The following EVPL variants were observed in gnomAD, a reference collection of about 807,000 sequenced individuals.
EVPL encodes the protein envoplakin.
EVPL carries 94 observed loss-of-function variants against 129.7 expected under a neutral mutation model. The ratio of observed to expected loss-of-function variants is 0.72; its 90% CI spans 0.61 to 0.86. EVPL has a LOEUF of 0.86. Among genes scored for constraint, EVPL ranks in the 40% least tolerant of loss-of-function variants. The pLI, the probability that EVPL is intolerant of heterozygous loss-of-function variation, is 0.00. For missense variants in EVPL, 2,625 were observed against 2,721.1 expected (o/e 0.96, Z 0.79); for synonymous variants, 1,172 against 1,191.1 (o/e 0.98, Z 0.33).
intron 18 of EVPL, among the ~76,000 whole-genome samples, chr17:76,013,000 T>C (rs926696605): frequency 2.6e-5 from 4 of 152,124 alleles, no homozygotes; most frequent in Non-Finnish European, 4.4e-5. Flanking sequence ...CGCCTTGGCC[T>C]CCCAAAGTGC....
Position 76,015,431 on chromosome 17 carries a change from C to T in EVPL, c.1889+19G>A, listed in dbSNP as rs772159563. The T allele has an allele frequency of 2.5e-6, 4 of 1,608,646 alleles. No individual in the cohort carries two copies. In the South Asian group the frequency reaches 3.3e-5, roughly 13 times the overall value. ...CACGCTGCTGCCCTGCGTGGCTGCC[C>T]TGTCCCCAGAGCACTCACTTCTCCC... On this transcript the variant is annotated intron_variant, in intron 15 of 21. Coordinates refer to ENST00000301607, the MANE Select transcript of EVPL (RefSeq NM_001988.4).
In EVPL at chr17:76,009,570, C is replaced by A. The variant is rs763527200; in HGVS notation, c.3635G>T (p.Arg1212Leu). ...VDPETEQEIT[R>L]LKAKLQEMAG... ...CATCTCCTGCAGCTTGGCCTTGAGC[C>A]GAGTGATCTCCTGCTCTGTCTCCGG... is the stretch of plus-strand genomic sequence containing the variant. The change falls in exon 22 of 22, where the codon CGG becomes CTG. Residue 1212 changes from arginine to leucine, a missense_variant. Arg to Leu is a moderately radical substitution (Grantham distance 102). This residue lies in a region of EVPL where 1,453 missense variants were observed against 1,511.8 expected (regional missense o/e 0.96). Transcript: ENST00000301607. This position sits in a 1 kb window ranked among gnomAD's most constrained non-coding sequence, Gnocchi z 5.9. The A allele has an allele frequency of 5.0e-6, 8 of 1,614,098 alleles. No homozygotes were observed. The South Asian group carries it at 8.8e-5, about 18-fold the overall frequency.
At chr17:76,019,199 C>G in intron 10 of EVPL, 139 bp from the exon 11 acceptor site, 1 of 934,386 alleles carries the variant, frequency 1.1e-6, no homozygotes, top group South Asian at 2.2e-5. Context: ...AAAGGAGCCC[C>G]TCTCTGGGGG....
In EVPL at chr17:76,018,426, G is replaced by A. The variant is rs2066433290; in HGVS notation, c.1439+20C>T. 10 of 1,604,872 alleles carry A rather than the reference G, an allele frequency of 6.2e-6. No homozygotes were observed. The East Asian group carries it at 6.7e-5, about 11-fold the overall frequency. On this transcript the variant is annotated intron_variant, in intron 12 of 21. Transcript: ENST00000301607. ...TGCTCTGCCCACAGCCTGCCCCTGA[G>A]TATCCCTACACAGACCTACCGGGAG...
rs140501538 is a variant in EVPL at position 76,007,195 on chromosome 17, G to T, written c.6010C>A (p.Pro2004Thr). The T allele has an allele frequency of 6.5e-7, 1 of 1,538,036 alleles. No individual in the cohort carries two copies. The highest frequency in any genetic ancestry group is 1.4e-5 in the African/African-American group (1 of 72,584). The change falls in exon 22 of 22, where the codon CCC becomes ACC. Residue 2004 changes from proline (P) to threonine (T), a missense_variant. Around this residue, in one of 4 missense-constraint regions of EVPL, gnomAD observed 1,453 missense variants for 1,511.8 expected, o/e 0.96. Transcript: ENST00000301607. This position sits in a 1 kb window ranked among gnomAD's most constrained non-coding sequence, Gnocchi z 8.8. ...GGCAGGAGCAGCAGGCCGCTCAGGG[G>T]GTCTTTGCGGCAGCGGCCCATGGCC... is the stretch of plus-strand genomic sequence containing the variant. ...KEAMGRCRKD[P>T]LSGLLLLPAA...
rs764045111 is a variant in EVPL at position 76,017,739 on chromosome 17, C to T, written c.1710G>A (p.Glu570=). The part of the protein sequence containing the change: ...EDLEGRIHSH[E]GTAQRLQSLG... The stretch of plus-strand genomic sequence containing the variant: ...CCGCCCCTTCCCGCTGCTCACCCAC[C>T]TCATGGCTGTGGATGCGGCCCTCCA... The change falls in exon 14 of 22, where the codon GAG becomes GAA. Residue 570 remains glutamate (E), a splice_region_variant and synonymous_variant. Transcript: ENST00000301607. 6.2e-7 allele frequency: 1 copy of T among 1,611,740 alleles called. No homozygotes were observed. Among genetic ancestry groups the T allele is most frequent in the Admixed American group, 1.7e-5 (1 of 59,982 alleles).
Position 76,023,524 on chromosome 17 carries a change from G to A in EVPL, c.329C>T (p.Pro110Leu), listed in dbSNP as rs777009567. ...DVDKARRLKH[P>L]QAEEIEKDIK... ...CTCCTTCTCAATCTCCTCAGCCTGC[G>A]GGTGCTTGAGCCGCCGGGCCTTGTC... Residue 110 changes from proline (P) to leucine (L), a missense_variant, in exon 3 of 22, where the codon CCG becomes CTG. This residue lies in a region of EVPL where 139 missense variants were observed against 186.8 expected (regional missense o/e 0.74). Transcript: ENST00000301607. 33 of 1,613,042 alleles carry A rather than the reference G, an allele frequency of 2.0e-5. No homozygotes were observed. The highest frequency in any genetic ancestry group is 1.7e-4 in the Middle Eastern group (1 of 6,030).
In EVPL at chr17:76,022,917, A is replaced by T. The variant is rs1415083385; in HGVS notation, c.480+375T>A. On this transcript the variant is annotated intron_variant, in intron 4 of 21. Coordinates refer to ENST00000301607, the MANE Select transcript of EVPL (RefSeq NM_001988.4). This position sits in a 1 kb window ranked among gnomAD's most constrained non-coding sequence, Gnocchi z 5.6. ...CATGATGACACCCCTTCTGTGTGGC[A>T]TCAAAGCACAACTCCTCAACCAGGG... Among the ~76,000 whole-genome samples, 1 of 152,124 alleles carries T rather than the reference A, an allele frequency of 6.6e-6. No homozygotes were observed. The highest frequency in any genetic ancestry group is 1.5e-5 in the Non-Finnish European group (1 of 68,016).
chr17:76,011,337 A>G (rs1180940681), intron 21 of EVPL, among the ~76,000 whole-genome samples: 2 of 152,228 alleles, frequency 1.3e-5, no homozygotes, highest in Admixed American at 6.5e-5. Flanking sequence ...GTGGCCATGA[A>G]TGCCATCTCC....
Position 76,017,795 on chromosome 17 carries a change from G to T in EVPL, c.1654C>A (p.Pro552Thr), listed in dbSNP as rs1295550433. ...ERQVLAWARA[P>T]LSRPTPLEDL... is the part of the protein sequence containing the mutation. ...TCCAAGGGTGTGGGGCGGCTCAGCG[G>T]GGCCCGCGCCCAGGCCAGCACCTGC... The change falls in exon 14 of 22, where the codon CCG becomes ACG. Residue 552 changes from proline (P) to threonine (T), a missense_variant. Physicochemically the swap from Pro to Thr is conservative, Grantham distance 38. This residue lies in a region of EVPL where 1,024 missense variants were observed against 997.5 expected (regional missense o/e 1.03). Coordinates refer to ENST00000301607, the MANE Select transcript of EVPL (RefSeq NM_001988.4). 1 of 1,613,348 alleles carries T rather than the reference G, an allele frequency of 6.2e-7. No homozygotes were observed. The highest frequency in any genetic ancestry group is 8.5e-7 in the Non-Finnish European group (1 of 1,180,020).
Position 76,009,454 on chromosome 17 carries a change from T to C in EVPL, c.3751A>G (p.Lys1251Glu). The change falls in exon 22 of 22, where the codon AAG becomes GAG. Residue 1251 changes from lysine to glutamate, a missense_variant. Lys to Glu is a moderately conservative substitution (Grantham distance 56, BLOSUM62 1). Transcript: ENST00000301607. The surrounding 1 kb of genome is among the most constrained non-coding windows in gnomAD (Gnocchi z 5.9). ...LRAQKPTVEYKEVTQEVVRHE... is the reference protein window; with the variant it reads ...LRAQKPTVEYEEVTQEVVRHE... ...CTCACCACCTCCTGGGTCACCTCCT[T>C]GTACTCCACCGTGGGCTTCTGGGCC... is the stretch of plus-strand genomic sequence containing the variant. 6.2e-7 allele frequency: 1 copy of C among 1,614,042 alleles called. No homozygotes were observed. The highest frequency in any genetic ancestry group is 8.5e-7 in the Non-Finnish European group (1 of 1,179,998).
rs1370498486 is a variant in EVPL at position 76,010,119 on chromosome 17, T to G, written c.3086A>C (p.Asp1029Ala). Residue 1029 changes from aspartate (D) to alanine (A), a missense_variant, in exon 22 of 22, where the codon GAC becomes GCC. Physicochemically the swap from Asp to Ala is moderately radical, Grantham distance 126 (BLOSUM62 -2). Transcript: ENST00000301607. ...VTQVERDPGL[D>A]SQAAQLRIQI... ...GATCCTGAGCTGGGCCGCCTGGCTG[T>G]CCAGGCCGGGGTCCCTCTCCACCTG... 2 of 1,613,970 alleles carry G rather than the reference T, an allele frequency of 1.2e-6. No homozygotes were observed. Among genetic ancestry groups the G allele is most frequent in the African/African-American group, 2.7e-5 (2 of 74,932 alleles).
At position 76,017,815 on chromosome 17, in the gene EVPL, A is replaced by G. The variant is rs201506878; in HGVS notation, c.1634T>C (p.Val545Ala). The G allele has an allele frequency of 6.2e-7, 1 of 1,610,430 alleles. No individual in the cohort carries two copies. Among genetic ancestry groups the G allele is most frequent in the Non-Finnish European group, 8.5e-7 (1 of 1,179,018 alleles). The change falls in exon 14 of 22, where the codon GTG becomes GCG. Residue 545 changes from valine to alanine, a missense_variant. Around this residue, in one of 4 missense-constraint regions of EVPL, gnomAD observed 1,024 missense variants for 997.5 expected, o/e 1.03. Transcript: ENST00000301607. ...DGDLGQIERQ[V>A]LAWARAPLSR... ...CAGCGGGGCCCGCGCCCAGGCCAGCACCTGCCTCTCTATCTGTCCCAGGTC... is the reference window on the plus strand; with the variant it reads ...CAGCGGGGCCCGCGCCCAGGCCAGCGCCTGCCTCTCTATCTGTCCCAGGTC...
chr17:76,025,683 C>T (rs1380216017), intron 1 of EVPL, among the ~76,000 whole-genome samples: 2 of 152,236 alleles, frequency 1.3e-5, no homozygotes, highest in Non-Finnish European at 2.9e-5. Context: ...GACACCCAGC[C>T]TCGGTGTCTG....
Position 76,009,353 on chromosome 17 carries a change from G to C in EVPL, c.3852C>G (p.His1284Gln). 2 of 1,613,246 alleles carry C rather than the reference G, an allele frequency of 1.2e-6. No individual in the cohort carries two copies. The highest frequency in any genetic ancestry group is 2.2e-5 in the East Asian group (1 of 44,880). Residue 1284 changes from histidine to glutamine, a missense_variant, in exon 22 of 22, where the codon CAC becomes CAG. This residue lies in a region of EVPL where 1,453 missense variants were observed against 1,511.8 expected (regional missense o/e 0.96). Coordinates refer to ENST00000301607, the MANE Select transcript of EVPL (RefSeq NM_001988.4). This position sits in a 1 kb window ranked among gnomAD's most constrained non-coding sequence, Gnocchi z 5.9. ...GGATGAGCTGCTCCTGGGAGCGCCCGTGGCTGTTGACGAGCTCGTTGAGCT... is the reference window on the plus strand; with the variant it reads ...GGATGAGCTGCTCCTGGGAGCGCCCCTGGCTGTTGACGAGCTCGTTGAGCT... The part of the protein sequence containing the change: ...KAQLNELVNS[H>Q]GRSQEQLIRL...
Position 76,013,731 on chromosome 17 carries a change from G to T in EVPL, c.2373+695C>A, listed in dbSNP as rs1470219828. Among the ~76,000 whole-genome samples the T allele has an allele frequency of 1.3e-5, 2 of 152,052 alleles. No individual in the cohort carries two copies. The highest frequency in any genetic ancestry group is 2.9e-5 in the Non-Finnish European group (2 of 68,008). On this transcript the variant is annotated intron_variant, in intron 18 of 21. Coordinates refer to ENST00000301607, the MANE Select transcript of EVPL (RefSeq NM_001988.4). The surrounding 1 kb of genome is among the most constrained non-coding windows in gnomAD (Gnocchi z 4.3). ...CTCTCTCCGCTGGATTTCCACCCTG[G>T]CTCCTCGTGGGCCTCCGTGTCTTCA... is the stretch of plus-strand genomic sequence containing the variant.
chr17:76,008,420 C>T lies in EVPL; in HGVS notation c.4785G>A (p.Leu1595=). The change falls in exon 22 of 22, where the codon CTG becomes CTA. Residue 1595 remains leucine, a synonymous_variant. Coordinates refer to ENST00000301607, the MANE Select transcript of EVPL (RefSeq NM_001988.4). The surrounding 1 kb of genome is among the most constrained non-coding windows in gnomAD (Gnocchi z 7.4). ...TCTCCAGAGCCCGCAGCTCCTGCTG[C>T]AGCCGCCCACACTCCTGGTCGGCCT... ...RDQADQECGR[L]QQELRALERQ... The T allele has an allele frequency of 1.3e-6, 2 of 1,591,670 alleles. No homozygotes were observed. Among genetic ancestry groups the T allele is most frequent in the Admixed American group, 1.7e-5 (1 of 58,338 alleles).
At chr17:76,014,337 C>T in intron 18 of EVPL, 89 bp downstream of exon 18, 1 of 1,482,536 alleles carries the variant, frequency 6.7e-7, no homozygotes, top group Non-Finnish European at 8.9e-7. Flanking sequence ...CCTCCGTGGC[C>T]TGGGCTTTGA....
intron 10 of EVPL, 96 bp from the exon 11 acceptor site, chr17:76,019,156 C>A: frequency 7.6e-7 from 1 of 1,317,290 alleles, no homozygotes; most frequent in Non-Finnish European, 9.9e-7. Context: ...GGCTGGCCTT[C>A]ATGAAGGCAG....
Sources: allele counts gnomAD v4.1 joint callset (sites outside exome capture counted in the v4.1 genomes callset), GRCh38; gene constraint gnomAD v4.1.1; regional missense constraint gnomAD v4.1.1; non-coding constraint Gnocchi (gnomAD v3.1); transcripts MANE v1.5; gene names NCBI Gene and HGNC (gene_info 2026-07-23, HGNC 2026-07-21).